The following HSPBAP1 variants were observed in gnomAD, a reference collection of about 807,000 sequenced individuals.
HSPBAP1 encodes the protein HSPB1-associated protein 1.
In HSPBAP1, 27 loss-of-function variants were observed where a neutral mutation model predicts 45.2. That is an observed-to-expected ratio of 0.60 (90% CI 0.44 to 0.82). The LOEUF is 0.82. Among genes scored for constraint, HSPBAP1 ranks in the 40% least tolerant of loss-of-function variants. The pLI is 0.00. For missense variants in HSPBAP1, 510 were observed against 590.9 expected (o/e 0.86, Z 1.42); for synonymous variants, 204 against 202.7 (o/e 1.01, Z -0.06).
chr3:122,745,833 G>A (rs1414362317), intron 6 of HSPBAP1, among the ~76,000 whole-genome samples: 3 of 152,176 alleles, frequency 2.0e-5, no homozygotes, highest in Admixed American at 6.5e-5. Flanking sequence ...AAGGTCTATG[G>A]TAAGAAGAAA....
chr3:122,755,048 C>A, intron 5 of HSPBAP1: 1 of 1,211,484 alleles, frequency 8.3e-7, no homozygotes, highest in Non-Finnish European at 1.0e-6. Flanking sequence ...GCTGTGTTCC[C>A]TCTTGCCATT....
chr3:122,747,586 G>A (rs1933939200), intron 6 of HSPBAP1, among the ~76,000 whole-genome samples: 1 of 149,832 alleles, frequency 6.7e-6, no homozygotes. Flanking sequence ...GGGAGGTGGG[G>A]GGTCAGCGCC....
intron 3 of HSPBAP1, among the ~76,000 whole-genome samples, chr3:122,767,461 A>G (rs1358924197): frequency 6.6e-6 from 1 of 152,040 alleles, no homozygotes; most frequent in Non-Finnish European, 1.5e-5. Flanking sequence ...TGGCTGTGGC[A>G]GGAGAATTGC....
rs917995092 is a variant in HSPBAP1 at position 122,787,053 on chromosome 3, A to C, written c.64+6564T>G. On this transcript the variant is annotated intron_variant, in intron 1 of 7. Transcript: ENST00000306103. ...TTCTGAAGCAACCTCAACAGTCTTC[A>C]AAGGATAAGGGTATTTAGGTCTAAA... Among the ~76,000 whole-genome samples the C allele has an allele frequency of 1.2e-4, 18 of 152,358 alleles. No homozygotes were observed. In the South Asian group the frequency reaches 3.7e-3, roughly 32 times the overall value.
chr3:122,780,331 G>A (rs1262565865), intron 1 of HSPBAP1, among the ~76,000 whole-genome samples: 20 of 115,736 alleles, frequency 1.7e-4, no homozygotes, highest in Non-Finnish European at 2.8e-4. Flanking sequence ...CCGGGCGGGG[G>A]GCTGACCCCC....
intron 6 of HSPBAP1, among the ~76,000 whole-genome samples, chr3:122,748,235 C>G (rs1006755671): frequency 6.6e-6 from 1 of 152,176 alleles, no homozygotes; most frequent in African/African-American, 2.4e-5. Context: ...CCCAGGGACA[C>G]AAACACTGCG....
intron 1 of HSPBAP1, among the ~76,000 whole-genome samples, chr3:122,778,634 G>T (rs1012047494): frequency 6.6e-6 from 1 of 151,150 alleles, no homozygotes; most frequent in Non-Finnish European, 1.5e-5. Context: ...GGTTCACGCC[G>T]TTCTCCTGCC....
chr3:122,750,537 AT>A (rs1934096703), intron 6 of HSPBAP1, among the ~76,000 whole-genome samples: 2 of 151,822 alleles, frequency 1.3e-5, no homozygotes, highest in African/African-American at 4.8e-5. Flanking sequence ...CTATCTATCT[AT>A]CTATCTATCT....
chr3:122,766,701 G>A (rs564144901), intron 3 of HSPBAP1, among the ~76,000 whole-genome samples: 3 of 152,318 alleles, frequency 2.0e-5, no homozygotes, highest in South Asian at 2.1e-4. Flanking sequence ...GTATGCACAC[G>A]CTCTGTAGGC....
chr3:122,760,373 A>C (rs941578043), intron 3 of HSPBAP1, among the ~76,000 whole-genome samples: 1 of 151,930 alleles, frequency 6.6e-6, no homozygotes, highest in South Asian at 2.1e-4. Flanking sequence ...AAAAAAAAAA[A>C]CACCCCACTT....
In HSPBAP1 at chr3:122,740,344, A is replaced by G; in HGVS notation, c.*1T>C. 1 of 1,571,562 alleles carries G rather than the reference A, an allele frequency of 6.4e-7. No homozygotes were observed. Among genetic ancestry groups the G allele is most frequent in the South Asian group, 1.2e-5 (1 of 85,480 alleles). On this transcript the variant is annotated 3_prime_UTR_variant, in exon 8 of 8. Coordinates refer to ENST00000306103, the MANE Select transcript of HSPBAP1 (RefSeq NM_024610.6). ...ATTTTAAAAGTCATCTTCCACTTGA[A>G]TCATAAACTTCTTCCTTGTATCAAA... is the stretch of plus-strand genomic sequence containing the variant.
chr3:122,781,512 C>G (rs1315446189), intron 1 of HSPBAP1, among the ~76,000 whole-genome samples: 1 of 151,922 alleles, frequency 6.6e-6, no homozygotes, highest in Non-Finnish European at 1.5e-5. Context: ...GCAGTACAGT[C>G]CAGCTTCGGC....
chr3:122,747,668 CGGGAG>C (rs1933947768), intron 6 of HSPBAP1, among the ~76,000 whole-genome samples: 8 of 142,232 alleles, frequency 5.6e-5, no homozygotes, highest in South Asian at 2.3e-4. Flanking sequence ...CCGCCCCGTC[CGGGAG>C]GTGAGGGGCG....
intron 3 of HSPBAP1, among the ~76,000 whole-genome samples, chr3:122,765,104 A>G (rs1382265983): frequency 6.6e-6 from 1 of 152,192 alleles, no homozygotes; most frequent in Non-Finnish European, 1.5e-5. Context: ...TTGGAATGTA[A>G]GAATTAAGGT....
At chr3:122,780,759 G>A (rs1214570647) in intron 1 of HSPBAP1, among the ~76,000 whole-genome samples, 1 of 151,312 alleles carries the variant, frequency 6.6e-6, no homozygotes, top group African/African-American at 2.4e-5. Flanking sequence ...CTTCTCAGAC[G>A]GGGCGGCTGC....
intron 3 of HSPBAP1, among the ~76,000 whole-genome samples, chr3:122,759,963 C>T (rs969392888): frequency 6.6e-5 from 10 of 152,184 alleles, no homozygotes; most frequent in Non-Finnish European, 1.5e-4. Flanking sequence ...TTAGCTCATA[C>T]CTACTAGATC....
At chr3:122,742,870 A>G (rs1432992990) in intron 6 of HSPBAP1, among the ~76,000 whole-genome samples, 1 of 152,192 alleles carries the variant, frequency 6.6e-6, no homozygotes, top group Non-Finnish European at 1.5e-5. Flanking sequence ...GTAAATCTCA[A>G]TCTCTTGTTC....
intron 1 of HSPBAP1, among the ~76,000 whole-genome samples, chr3:122,779,492 TTTTATTTATTTATTTA>T (rs58626370): frequency 6.9e-6 from 1 of 144,318 alleles, no homozygotes; most frequent in Non-Finnish European, 1.5e-5. Context: ...ATATGTTTTC[TTTTATTTATTTATTTA>T]TTTATTTATT....
intron 6 of HSPBAP1, among the ~76,000 whole-genome samples, chr3:122,744,211 GA>G (rs1933769267): frequency 1.3e-5 from 2 of 151,992 alleles, no homozygotes; most frequent in Admixed American, 1.3e-4. Context: ...AAAAAATACT[GA>G]TAAATACATT....
Sources: allele counts gnomAD v4.1 joint callset (sites outside exome capture counted in the v4.1 genomes callset), GRCh38; gene constraint gnomAD v4.1.1; transcripts MANE v1.5; gene names NCBI Gene and HGNC (gene_info 2026-07-23, HGNC 2026-07-21).